DSCAM: variants seen among roughly 807,000 people sequenced by gnomAD.
DSCAM encodes the protein cell adhesion molecule DSCAM.
DSCAM carries 47 observed loss-of-function variants against 217.7 expected under a neutral mutation model. The observed-to-expected ratio is 0.22, with a 90% CI of 0.17 to 0.28. The LOEUF (loss-of-function observed/expected upper bound fraction) is 0.28, where lower values mean the gene tolerates loss of function less well. Among genes scored for constraint, DSCAM ranks in the 10% least tolerant of loss-of-function variants. The pLI, the probability that DSCAM is intolerant of heterozygous loss-of-function variation, is 1.00. For synonymous variants in DSCAM, 1,056 were observed against 1,015.3 expected (o/e 1.04, Z -0.76); for missense variants, 2,080 against 2,618.3 (o/e 0.79, Z 4.49).
At chr21:40,599,923 G>A (rs1247729985) in intron 3 of DSCAM, among the ~76,000 whole-genome samples, 2 of 152,250 alleles carry the variant, frequency 1.3e-5, no homozygotes, top group Non-Finnish European at 1.5e-5. Context: ...TCAAATCTCT[G>A]GATAGACCAA....
chr21:40,550,561 G>C (rs1010809867), intron 3 of DSCAM, among the ~76,000 whole-genome samples: 2 of 152,178 alleles, frequency 1.3e-5, no homozygotes, highest in African/African-American at 4.8e-5. Flanking sequence ...TTGCCACCAA[G>C]TGTCTCAATC....
Position 40,178,980 on chromosome 21 carries a change from C to G in DSCAM, c.2894G>C (p.Arg965Pro). 6.2e-7 allele frequency: 1 copy of G among 1,614,024 alleles called. No homozygotes were observed. Among genetic ancestry groups the G allele is most frequent in the Non-Finnish European group, 8.5e-7 (1 of 1,180,010 alleles). Residue 965 changes from arginine to proline, a missense_variant, in exon 15 of 33, where the codon CGG becomes CCG. Around this residue, in one of 5 missense-constraint regions of DSCAM, gnomAD observed 1,144 missense variants for 1,421.1 expected, o/e 0.81. Coordinates refer to ENST00000400454, the MANE Select transcript of DSCAM (RefSeq NM_001389.5). Reference protein sequence around the residue: ...TYSIRMYAKNRIGKSEPSNEL... With the variant: ...TYSIRMYAKNPIGKSEPSNEL... ...GTTGCTGGGCTCGCTCTTGCCAATCCGGTTCTTGGCGTACATGCGGATGCT... is the reference window on the plus strand; with the variant it reads ...GTTGCTGGGCTCGCTCTTGCCAATCGGGTTCTTGGCGTACATGCGGATGCT...
intron 3 of DSCAM, among the ~76,000 whole-genome samples, chr21:40,515,136 C>T (rs954728235): frequency 2.6e-5 from 4 of 152,106 alleles, no homozygotes; most frequent in African/African-American, 9.7e-5. Flanking sequence ...TATACATTTA[C>T]AAGTGTTGAC....
chr21:40,534,594 A>G (rs1197036402), intron 3 of DSCAM, among the ~76,000 whole-genome samples: 1 of 152,142 alleles, frequency 6.6e-6, no homozygotes, highest in African/African-American at 2.4e-5. Flanking sequence ...GGATGATGAC[A>G]TTTATCACCA....
intron 3 of DSCAM, among the ~76,000 whole-genome samples, chr21:40,665,517 G>A (rs1197545856): frequency 6.6e-6 from 1 of 152,104 alleles, no homozygotes; most frequent in Non-Finnish European, 1.5e-5. Context: ...AGGACAACTT[G>A]TCACTTTCCA....
chr21:40,172,971 G>C (rs894169832), intron 15 of DSCAM, among the ~76,000 whole-genome samples: 2 of 152,294 alleles, frequency 1.3e-5, no homozygotes, highest in Middle Eastern at 3.4e-3. Context: ...AATAGCTGGT[G>C]CCCAGATGGG....
chr21:40,606,842 G>C (rs967670132), intron 3 of DSCAM, among the ~76,000 whole-genome samples: 2 of 152,178 alleles, frequency 1.3e-5, no homozygotes, highest in African/African-American at 2.4e-5. Flanking sequence ...ATTGAATCAT[G>C]GGGGCAGGTC....
intron 3 of DSCAM, among the ~76,000 whole-genome samples, chr21:40,432,211 A>AAAAAAAATAAATAAAT (rs1555917757): frequency 8.1e-4 from 38 of 46,834 alleles, no homozygotes; most frequent in Non-Finnish European, 1.5e-3. Context: ...ATAATAATAA[A>AAAAAAAATAAATAAAT]AAATAAATAT....
At position 40,659,140 on chromosome 21, in the gene DSCAM, C is replaced by CA. The variant is rs1236268911; in HGVS notation, c.508+33669dup. Among the ~76,000 whole-genome samples the CA allele has an allele frequency of 4.0e-5, 6 of 151,218 alleles. No homozygotes were observed. The East Asian group carries it at 7.8e-4, about 20-fold the overall frequency. ...ATGTCACCAATGTGCCTCCAAGGGT[C>CA]AAAAAAAATAGTCGTGTTTCTAACT... is the stretch of plus-strand genomic sequence containing the variant. On this transcript the variant is annotated intron_variant, in intron 3 of 32. Transcript: ENST00000400454.
At chr21:40,296,805 T>A (rs1290243102) in intron 9 of DSCAM, among the ~76,000 whole-genome samples, 1 of 119,612 alleles carries the variant, frequency 8.4e-6, no homozygotes, top group African/African-American at 3.4e-5. Context: ...CACTCCAGCC[T>A]GGGCAACAAG....
chr21:40,458,646 T>C (rs1002462967), intron 3 of DSCAM, among the ~76,000 whole-genome samples: 1 of 152,132 alleles, frequency 6.6e-6, no homozygotes, highest in Non-Finnish European at 1.5e-5. Context: ...AGTTTTAAGA[T>C]AAAAAATTAG....
At chr21:40,107,273 T>C (rs2089832977) in intron 20 of DSCAM, among the ~76,000 whole-genome samples, 1 of 152,132 alleles carries the variant, frequency 6.6e-6, no homozygotes, top group Admixed American at 6.5e-5. Flanking sequence ...TCCATGTAAT[T>C]TGTATAGTTT....
At chr21:40,324,141 A>AAAAG (rs2074292597) in intron 8 of DSCAM, among the ~76,000 whole-genome samples, 5 of 149,942 alleles carry the variant, frequency 3.3e-5, no homozygotes, top group African/African-American at 1.2e-4. Context: ...AGAAAAAAAA[A>AAAAG]AGAGAGAGAG....
intron 3 of DSCAM, among the ~76,000 whole-genome samples, chr21:40,586,864 A>G (rs1479958051): frequency 6.6e-6 from 1 of 152,176 alleles, no homozygotes; most frequent in Non-Finnish European, 1.5e-5. Flanking sequence ...ATATAATTAG[A>G]CAACAGAAGA....
At chr21:40,686,451 C>T (rs961780045) in intron 3 of DSCAM, among the ~76,000 whole-genome samples, 7 of 152,194 alleles carry the variant, frequency 4.6e-5, no homozygotes, top group African/African-American at 9.6e-5. Context: ...TATGTGGACA[C>T]GCACATCACA....
intron 27 of DSCAM, among the ~76,000 whole-genome samples, chr21:40,071,562 C>T (rs1436544865): frequency 1.3e-5 from 2 of 152,172 alleles, no homozygotes; most frequent in South Asian, 4.1e-4. Flanking sequence ...ATTGATCCCA[C>T]CTAATCACTC....
chr21:40,568,315 A>AT (rs892634047), intron 3 of DSCAM, among the ~76,000 whole-genome samples: 18 of 151,702 alleles, frequency 1.2e-4, no homozygotes, highest in African/African-American at 3.6e-4. Flanking sequence ...AAATATATAT[A>AT]TTTTTTTTCT....
At chr21:40,073,450 C>G (rs906184311) in intron 27 of DSCAM, among the ~76,000 whole-genome samples, 2 of 152,126 alleles carry the variant, frequency 1.3e-5, no homozygotes, top group Non-Finnish European at 2.9e-5. Flanking sequence ...AATAATTCTC[C>G]TAAAGTCCAG....
At chr21:40,845,146 C>T (rs1359659733) in intron 1 of DSCAM, among the ~76,000 whole-genome samples, 1 of 152,216 alleles carries the variant, frequency 6.6e-6, no homozygotes, top group Admixed American at 6.5e-5. Context: ...ATGGTGCCCT[C>T]TGGGAAAGAT....
Sources: allele counts gnomAD v4.1 joint callset (sites outside exome capture counted in the v4.1 genomes callset), GRCh38; gene constraint gnomAD v4.1.1; regional missense constraint gnomAD v4.1.1; transcripts MANE v1.5; gene names NCBI Gene and HGNC (gene_info 2026-07-23, HGNC 2026-07-21).